The following MAGI2 variants were observed in gnomAD, a reference collection of about 807,000 sequenced individuals.
MAGI2 encodes membrane-associated guanylate kinase, WW and PDZ domain-containing protein 2.
Under a neutral mutation model 133.3 loss-of-function variants are expected in MAGI2, and 35 were observed. The observed-to-expected ratio is 0.26, with a 90% CI of 0.20 to 0.35. The LOEUF (loss-of-function observed/expected upper bound fraction) is 0.35, where lower values mean the gene tolerates loss of function less well. Ranked by LOEUF, MAGI2 falls within the 10% of genes least tolerant of loss-of-function variation. The pLI, the probability that MAGI2 is intolerant of heterozygous loss-of-function variation, is 1.00. For missense variants in MAGI2, 1,636 were observed against 1,863.4 expected, an observed-to-expected ratio of 0.88 and a Z score of 2.25; for synonymous variants, 729 against 710.6, an observed-to-expected ratio of 1.03 and a Z score of -0.41.
intron 1 of MAGI2, among the ~76,000 whole-genome samples, chr7:79,198,880 CCT>C (rs1413351430): frequency 1.3e-5 from 2 of 151,722 alleles, no homozygotes; most frequent in Non-Finnish European, 2.9e-5. Context: ...AGAATGAGAC[CCT>C]GTCTCAAAAA....
At chr7:78,169,305 C>T (rs1015724873) in intron 14 of MAGI2, among the ~76,000 whole-genome samples, 6 of 152,238 alleles carry the variant, frequency 3.9e-5, no homozygotes, top group African/African-American at 1.4e-4. Context: ...CTTAGCCACA[C>T]AGCAGCTGAT....
intron 2 of MAGI2, among the ~76,000 whole-genome samples, chr7:78,737,873 A>G (rs1417010642): frequency 6.6e-6 from 1 of 152,094 alleles, no homozygotes; most frequent in African/African-American, 2.4e-5. Flanking sequence ...ATAATTTTTA[A>G]TAGTGCACCT....
At chr7:78,664,372 T>A (rs969135715) in intron 2 of MAGI2, among the ~76,000 whole-genome samples, 2 of 152,158 alleles carry the variant, frequency 1.3e-5, no homozygotes, top group African/African-American at 4.8e-5. Context: ...AAGTGTAATG[T>A]TGGTGTAGAA....
At chr7:78,631,868 G>GTT (rs767673372) in intron 2 of MAGI2, among the ~76,000 whole-genome samples, 1 of 152,156 alleles carries the variant, frequency 6.6e-6, no homozygotes, top group Non-Finnish European at 1.5e-5. Context: ...TCAGCCACTT[G>GTT]TTATCAGTAT....
chr7:78,051,412 CAAA>C, intron 21 of MAGI2, among the ~76,000 whole-genome samples: 1 of 152,296 alleles, frequency 6.6e-6, no homozygotes, highest in East Asian at 1.9e-4. Context: ...AAAAATAAAA[CAAA>C]CTGTACATAT....
In MAGI2 at chr7:79,183,724, C is replaced by T. The variant is rs1023826970; in HGVS notation, c.302-176518G>A. ...ACTAGTCACAGTCAATTCCAAGAGA[C>T]GGAATCAACTTAAGTGTCCATCAGT... On this transcript the variant is annotated intron_variant, in intron 1 of 21. Transcript: ENST00000354212. 5.3e-5 allele frequency among the ~76,000 whole-genome samples: 8 copies of T among 151,708 alleles called. No individual in the cohort carries two copies. The East Asian group carries it at 5.8e-4, about 11-fold the overall frequency.
chr7:78,115,796 G>A (rs556754238), intron 20 of MAGI2, among the ~76,000 whole-genome samples: 1 of 152,166 alleles, frequency 6.6e-6, no homozygotes, highest in East Asian at 1.9e-4. Context: ...GACCAGCCTG[G>A]GCAACATTGT....
At chr7:78,517,036 G>A (rs1167559792) in intron 4 of MAGI2, among the ~76,000 whole-genome samples, 1 of 152,144 alleles carries the variant, frequency 6.6e-6, no homozygotes, top group Non-Finnish European at 1.5e-5. Flanking sequence ...TGTCCAGTGG[G>A]CAGCAGTTAG....
intron 9 of MAGI2, among the ~76,000 whole-genome samples, chr7:78,331,045 A>C (rs1562835669): frequency 6.6e-6 from 1 of 152,358 alleles, no homozygotes; most frequent in South Asian, 2.1e-4. Flanking sequence ...AAATGATGAA[A>C]TCATGTCCTT....
At chr7:79,306,044 T>C (rs527761111) in intron 1 of MAGI2, among the ~76,000 whole-genome samples, 1 of 150,734 alleles carries the variant, frequency 6.6e-6, no homozygotes, top group South Asian at 2.1e-4. Context: ...TCTTCCTCTG[T>C]TGCCCAGGTT....
intron 2 of MAGI2, among the ~76,000 whole-genome samples, chr7:78,748,583 T>C (rs1823149078): frequency 6.6e-6 from 1 of 152,180 alleles, no homozygotes; most frequent in South Asian, 2.1e-4. Context: ...TCTTTAATTA[T>C]ATTTTCCTTA....
intron 2 of MAGI2, among the ~76,000 whole-genome samples, chr7:78,990,464 A>C (rs1322804876): frequency 6.6e-5 from 10 of 152,038 alleles, no homozygotes; most frequent in Admixed American, 6.6e-4. Flanking sequence ...CGCTCATTAC[A>C]AGAACTGAGG....
At chr7:78,201,099 T>G (rs1375966644) in intron 11 of MAGI2, 63 bp downstream of exon 11, 1 of 1,139,426 alleles carries the variant, frequency 8.8e-7, no homozygotes, top group Admixed American at 2.8e-5. Flanking sequence ...AATTCAACTT[T>G]TATTAAATGA....
intron 1 of MAGI2, chr7:79,413,473 A>T (rs1846277267): frequency 6.6e-6 from 1 of 152,166 alleles, no homozygotes. Flanking sequence ...AAACTATCAC[A>T]GAAAACAGAA....
At position 78,019,684 on chromosome 7, in the gene MAGI2, G is replaced by T. The variant is rs762844654; in HGVS notation, c.3999C>A (p.Gly1333=). Residue 1333 remains glycine (G), a synonymous_variant, in exon 22 of 22, where the codon GGC becomes GGA. Coordinates refer to ENST00000354212, the MANE Select transcript of MAGI2 (RefSeq NM_012301.4). ...TGCCGGCCTCGGGCCGCCCCTGGCC[G>T]CCGGGCGCCTCCTCGAGCCTCGGCC... is the stretch of plus-strand genomic sequence containing the variant. ...AARPRLEEAP[G]GQGRPEAGRP... 4.1e-6 allele frequency: 6 copies of T among 1,466,028 alleles called. No individual in the cohort carries two copies. The African/African-American group carries it at 7.4e-5, about 18-fold the overall frequency. The allele number at this position is 1,466,028 out of a possible 1,614,324, so 90.8% of individuals were successfully genotyped here.
chr7:78,307,954 G>A (rs967011083), intron 9 of MAGI2, among the ~76,000 whole-genome samples: 1 of 152,122 alleles, frequency 6.6e-6, no homozygotes, highest in Non-Finnish European at 1.5e-5. Flanking sequence ...AATAATAAGG[G>A]ACAATTCAAA....
intron 1 of MAGI2, among the ~76,000 whole-genome samples, chr7:79,119,103 T>G (rs1819658350): frequency 1.3e-5 from 2 of 152,264 alleles, no homozygotes; most frequent in Admixed American, 6.5e-5. Context: ...ATAGATTCAC[T>G]GTGCATAAAT....
intron 6 of MAGI2, among the ~76,000 whole-genome samples, chr7:78,378,663 C>A (rs559641457): frequency 6.6e-6 from 1 of 151,974 alleles, no homozygotes; most frequent in Non-Finnish European, 1.5e-5. Flanking sequence ...AATACACACA[C>A]CCCCCACCAT....
chr7:79,205,722 A>C (rs1828991184), intron 1 of MAGI2, among the ~76,000 whole-genome samples: 1 of 151,386 alleles, frequency 6.6e-6, no homozygotes, highest in Non-Finnish European at 1.5e-5. Context: ...AAAATTCAAA[A>C]TTTGGTGGCA....
Sources: gnomAD v4.1 joint callset for allele counts (sites outside exome capture counted in the v4.1 genomes callset) on GRCh38, gnomAD v4.1.1 for gene constraint, MANE v1.5 for transcripts, NCBI Gene and HGNC (gene_info 2026-07-23, HGNC 2026-07-21) for gene names.